Variants in R3HDM1 observed in about 807,000 individuals in gnomAD.
R3HDM1 encodes R3H domain containing 1.
Under a neutral mutation model 141.1 loss-of-function variants are expected in R3HDM1, and 46 were observed. The observed-to-expected ratio is 0.33, with a 90% CI of 0.26 to 0.42. The LOEUF (loss-of-function observed/expected upper bound fraction) is 0.42. Among genes scored for constraint, R3HDM1 ranks in the 10% least tolerant of loss-of-function variants. The probability of loss-of-function intolerance (pLI) is 1.00; values close to 1 mark genes in which losing one functional copy is unlikely to be tolerated. For synonymous variants in R3HDM1, 435 were observed against 472.9 expected (o/e 0.92, Z 1.04); for missense variants, 1,184 against 1,368.3 (o/e 0.87, Z 2.12).
intron 2 of R3HDM1, among the ~76,000 whole-genome samples, chr2:135,603,553 T>A (rs1574259365): frequency 6.6e-6 from 1 of 152,330 alleles, no homozygotes; most frequent in Non-Finnish European, 1.5e-5. Flanking sequence ...TCATTTTTTT[T>A]AAAGATGCAT....
Position 135,639,463 on chromosome 2 carries a change from G to A in R3HDM1, c.1219+341G>A, listed in dbSNP as rs567207289. On this transcript the variant is annotated intron_variant, in intron 14 of 26. Transcript: ENST00000683871. ...CTTATTCGTAGTTGGTAGAAGGCAT[G>A]GTTTCTCACCTAGGATTATTTAACA... 1.4e-4 allele frequency among the ~76,000 whole-genome samples: 21 copies of A among 152,092 alleles called. 1 individual carries two copies. In the South Asian group the frequency reaches 4.2e-3, roughly 30 times the overall value.
At chr2:135,562,788 C>G (rs1040471870) in intron 1 of R3HDM1, among the ~76,000 whole-genome samples, 1 of 152,186 alleles carries the variant, frequency 6.6e-6, no homozygotes, top group Non-Finnish European at 1.5e-5. Flanking sequence ...CTAACCTTAT[C>G]TGGTTGGGAT....
At chr2:135,541,643 T>C (rs999060237) in intron 1 of R3HDM1, among the ~76,000 whole-genome samples, 37 of 152,122 alleles carry the variant, frequency 2.4e-4, no homozygotes, top group African/African-American at 6.8e-4. Flanking sequence ...CACTGTCTTA[T>C]ATGGGTGTGA....
intron 1 of R3HDM1, chr2:135,550,046 C>G (rs1256956599): frequency 5.1e-6 from 5 of 983,288 alleles, no homozygotes; most frequent in Non-Finnish European, 4.8e-6. Context: ...TCATAAGACC[C>G]AAGTTTAAAA....
At position 135,719,631 on chromosome 2, in the gene R3HDM1, G is replaced by A. The variant is rs920052806; in HGVS notation, c.2882-2293G>A. On this transcript the variant is annotated intron_variant, in intron 24 of 26. Transcript: ENST00000683871. The stretch of plus-strand genomic sequence containing the variant: ...AACCTGGATGATAGGTACATTATGC[G>A]TTTCTATCTATACTTTTATATACTT... 6.6e-5 allele frequency among the ~76,000 whole-genome samples: 10 copies of A among 152,050 alleles called. No homozygotes were observed. In the East Asian group the frequency reaches 9.6e-4, roughly 15 times the overall value.
chr2:135,673,038 T>C (rs2105337061), intron 19 of R3HDM1, among the ~76,000 whole-genome samples: 1 of 152,302 alleles, frequency 6.6e-6, no homozygotes, highest in South Asian at 2.1e-4. Flanking sequence ...ACCCAGTAGG[T>C]GGTGGTTGCA....
intron 1 of R3HDM1, among the ~76,000 whole-genome samples, chr2:135,555,661 C>G (rs892880089): frequency 6.6e-6 from 1 of 152,150 alleles, no homozygotes; most frequent in Non-Finnish European, 1.5e-5. Flanking sequence ...AGAAACAACC[C>G]AAATGTCCGT....
At chr2:135,567,903 C>CTTTT (rs562748072) in intron 1 of R3HDM1, among the ~76,000 whole-genome samples, 77 of 73,730 alleles carry the variant, frequency 1.0e-3, no homozygotes, top group African/African-American at 1.7e-3. Flanking sequence ...CCACACCTGG[C>CTTTT]TTTTTTTTTT....
At chr2:135,532,413 G>A (rs1227488625) in intron 1 of R3HDM1, among the ~76,000 whole-genome samples, 1 of 152,090 alleles carries the variant, frequency 6.6e-6, no homozygotes, top group African/African-American at 2.4e-5. Context: ...TGACTCTGTT[G>A]AGCTTGTTTT....
At chr2:135,712,712 G>A (rs1191238384) in intron 23 of R3HDM1, among the ~76,000 whole-genome samples, 1 of 151,082 alleles carries the variant, frequency 6.6e-6, no homozygotes, top group Non-Finnish European at 1.5e-5. Context: ...ACGAGATCAG[G>A]AGATCGAGAC....
rs1001045609 is a variant in R3HDM1, at chr2:135,710,051, A to AT, written c.2564-4dup. ...TCTGACTATAGCATCCTAAATTCTGATTTTCAGCTGGACCACCACCGCCAC... is the reference window on the plus strand; with the variant it reads ...TCTGACTATAGCATCCTAAATTCTGATTTTTCAGCTGGACCACCACCGCCAC... On this transcript the variant is annotated splice_region_variant and splice_polypyrimidine_tract_variant and intron_variant, in intron 22 of 26. Coordinates refer to ENST00000683871, the MANE Select transcript of R3HDM1 (RefSeq NM_001378107.1). 1.9e-6 allele frequency: 3 copies of AT among 1,612,212 alleles called. No homozygotes were observed. The highest frequency in any genetic ancestry group is 2.2e-5 in the East Asian group (1 of 44,854).
At chr2:135,703,798 C>G (rs2074538847) in intron 21 of R3HDM1, among the ~76,000 whole-genome samples, 2 of 152,004 alleles carry the variant, frequency 1.3e-5, no homozygotes, top group Admixed American at 1.3e-4. Flanking sequence ...AGCATATAGT[C>G]AAATTCTGAT....
intron 1 of R3HDM1, among the ~76,000 whole-genome samples, chr2:135,569,588 C>T (rs1703595996): frequency 6.6e-6 from 1 of 152,194 alleles, no homozygotes; most frequent in South Asian, 2.1e-4. Flanking sequence ...GACTCTACCG[C>T]TCACTGGTTG....
chr2:135,569,374 C>T (rs1471197303), intron 1 of R3HDM1, among the ~76,000 whole-genome samples: 1 of 151,570 alleles, frequency 6.6e-6, no homozygotes, highest in African/African-American at 2.4e-5. Flanking sequence ...TACCAGCTAC[C>T]TGGGAGGCTG....
At chr2:135,707,669 G>A (rs2075114888) in intron 21 of R3HDM1, among the ~76,000 whole-genome samples, 1 of 152,194 alleles carries the variant, frequency 6.6e-6, no homozygotes. Context: ...CAGGAGAGCT[G>A]TTCACATGGG....
At chr2:135,553,889 C>A (rs781477700) in intron 1 of R3HDM1, among the ~76,000 whole-genome samples, 4 of 152,214 alleles carry the variant, frequency 2.6e-5, no homozygotes, top group Non-Finnish European at 5.9e-5. Flanking sequence ...AGGGTTTCGC[C>A]ATGTTGGCAA....
At chr2:135,558,354 A>G (rs972780399) in intron 1 of R3HDM1, among the ~76,000 whole-genome samples, 1 of 152,226 alleles carries the variant, frequency 6.6e-6, no homozygotes, top group East Asian at 1.9e-4. Context: ...AGACAGCACA[A>G]CTATCTAAAT....
At chr2:135,664,287 T>C (rs1021483478) in intron 19 of R3HDM1, among the ~76,000 whole-genome samples, 3 of 152,182 alleles carry the variant, frequency 2.0e-5, no homozygotes, top group African/African-American at 4.8e-5. Flanking sequence ...GAAATACTTT[T>C]TCATATCTCT....
intron 18 of R3HDM1, among the ~76,000 whole-genome samples, chr2:135,652,710 A>G (rs1193079327): frequency 1.3e-5 from 2 of 152,108 alleles, no homozygotes; most frequent in African/African-American, 4.8e-5. Flanking sequence ...TTTATGTAGG[A>G]TTGATGTTAT....
Sources: allele counts gnomAD v4.1 joint callset (sites outside exome capture counted in the v4.1 genomes callset), GRCh38; gene constraint gnomAD v4.1.1; transcripts MANE v1.5; gene names NCBI Gene and HGNC (gene_info 2026-07-23, HGNC 2026-07-21).